HMGCLL1: variants seen among roughly 807,000 people sequenced by gnomAD.
The protein encoded by HMGCLL1 is 3-hydroxy-3-methylglutaryl-CoA lyase like 1, also known as 3-hydroxymethyl-3-methylglutaryl-CoA lyase, cytoplasmic.
HMGCLL1 carries 36 observed loss-of-function variants against 39.1 expected under a neutral mutation model. The ratio of observed to expected loss-of-function variants is 0.92; its 90% confidence interval spans 0.71 to 1.22. The LOEUF (loss-of-function observed/expected upper bound fraction) is 1.22. HMGCLL1 is among the 50% of genes most tolerant of loss of function. The probability of loss-of-function intolerance (pLI) is 0.00; values close to 1 mark genes in which losing one functional copy is unlikely to be tolerated. For missense variants in HMGCLL1, 451 were observed against 416.5 expected (o/e 1.08, Z -0.72); for synonymous variants, 149 against 144.0 (o/e 1.03, Z -0.25).
intron 7 of HMGCLL1, among the ~76,000 whole-genome samples, chr6:55,495,161 G>A (rs780789880): frequency 1.2e-4 from 18 of 152,126 alleles, no homozygotes; most frequent in Non-Finnish European, 2.6e-4. Flanking sequence ...ACATAACTCT[G>A]CTAAGATTAA....
the HMGCLL1 span, among the ~76,000 whole-genome samples, chr6:55,596,965 T>C: frequency 6.6e-6 from 1 of 152,120 alleles, no homozygotes; most frequent in African/African-American, 2.4e-5. Context: ...GTTTAAATAC[T>C]ACCATGTAAA....
At chr6:55,555,864 CT>C (rs541421096) in intron 1 of HMGCLL1, among the ~76,000 whole-genome samples, 1 of 152,194 alleles carries the variant, frequency 6.6e-6, no homozygotes, top group African/African-American at 2.4e-5. Context: ...GATCACTGCT[CT>C]TTTAAACAGT....
the HMGCLL1 span, among the ~76,000 whole-genome samples, chr6:55,678,870 A>AT: frequency 6.6e-6 from 1 of 152,192 alleles, no homozygotes; most frequent in East Asian, 1.9e-4. Context: ...ATTATTAAAT[A>AT]TTATTGGTAT....
At chr6:55,626,949 C>A in the HMGCLL1 span, among the ~76,000 whole-genome samples, 1 of 150,266 alleles carries the variant, frequency 6.7e-6, no homozygotes, top group South Asian at 2.1e-4. Flanking sequence ...TATTACTATG[C>A]CCTGTGATTA....
the HMGCLL1 span, among the ~76,000 whole-genome samples, chr6:55,624,393 G>A: frequency 6.6e-6 from 1 of 152,140 alleles, no homozygotes; most frequent in Non-Finnish European, 1.5e-5. Context: ...TGCAGCCATT[G>A]ACTTGACAAA....
intron 7 of HMGCLL1, among the ~76,000 whole-genome samples, chr6:55,476,946 T>TA (rs1397761675): frequency 9.1e-6 from 1 of 110,302 alleles, no homozygotes; most frequent in Admixed American, 1.0e-4. Flanking sequence ...ACAGCTGCTC[T>TA]TAAATCAAAT....
intron 7 of HMGCLL1, among the ~76,000 whole-genome samples, chr6:55,488,643 A>T (rs1014812519): frequency 2.0e-5 from 3 of 152,068 alleles, no homozygotes; most frequent in Non-Finnish European, 4.4e-5. Flanking sequence ...ATGGAAAAAA[A>T]ACTGTCACTT....
At chr6:55,546,972 G>T (rs1401984833) in intron 1 of HMGCLL1, among the ~76,000 whole-genome samples, 2 of 151,990 alleles carry the variant, frequency 1.3e-5, no homozygotes, top group Non-Finnish European at 2.9e-5. Context: ...AACAATAAAA[G>T]AAATACTATC....
intron 1 of HMGCLL1, among the ~76,000 whole-genome samples, chr6:55,571,180 A>G (rs1389520398): frequency 6.6e-6 from 1 of 152,200 alleles, no homozygotes; most frequent in African/African-American, 2.4e-5. Flanking sequence ...TATTGTGTTC[A>G]TGATTAAATC....
In HMGCLL1 at chr6:55,541,818, T is replaced by C; in HGVS notation, c.208A>G (p.Ile70Val). ...AGTCGATTGATAAATTCAATTTTTA[T>C]ATCTGTAGGAACTATAACCTATGAA... ...QNEKVIVPTD[I>V]KIEFINRLSQ... is the part of the protein sequence containing the mutation. The change falls in exon 3 of 9, where the codon ATA (isoleucine) becomes GTA (valine). Residue 70 changes from isoleucine to valine, a missense_variant. Ile to Val is a conservative substitution (Grantham distance 29, BLOSUM62 3). Coordinates refer to ENST00000274901, the MANE Select transcript of HMGCLL1 (RefSeq NM_001042406.2). 1.3e-6 allele frequency: 2 copies of C among 1,596,636 alleles called. No homozygotes were observed. Among genetic ancestry groups the C allele is most frequent in the Non-Finnish European group, 1.7e-6 (2 of 1,166,176 alleles).
the HMGCLL1 span, among the ~76,000 whole-genome samples, chr6:55,616,498 A>G: frequency 1.3e-5 from 2 of 152,122 alleles, no homozygotes; most frequent in Non-Finnish European, 2.9e-5. Context: ...ACTCCACCTG[A>G]ACCATCATGA....
intron 3 of HMGCLL1, among the ~76,000 whole-genome samples, chr6:55,527,056 C>T (rs115609463): frequency 1.3e-5 from 2 of 152,186 alleles, no homozygotes; most frequent in African/African-American, 4.8e-5. Context: ...AAAGCATGTT[C>T]TCTAATACCT....
chr6:55,473,747 C>A (rs9475304), intron 7 of HMGCLL1, among the ~76,000 whole-genome samples: 1 of 151,258 alleles, frequency 6.6e-6, no homozygotes, highest in African/African-American at 2.4e-5. Flanking sequence ...ACATAAGTAT[C>A]CTTCTTTGTG....
intron 7 of HMGCLL1, among the ~76,000 whole-genome samples, chr6:55,450,258 A>G (rs1302451783): frequency 6.6e-6 from 1 of 152,206 alleles, no homozygotes; most frequent in East Asian, 1.9e-4. Flanking sequence ...TGCCATTGAC[A>G]AATTTTGAAG....
the HMGCLL1 span, among the ~76,000 whole-genome samples, chr6:55,613,114 T>A: frequency 6.6e-6 from 1 of 150,396 alleles, no homozygotes; most frequent in Non-Finnish European, 1.5e-5. Flanking sequence ...GAAAAAAAAC[T>A]CCATCAAAAA....
At chr6:55,551,311 C>T (rs551373033) in intron 1 of HMGCLL1, among the ~76,000 whole-genome samples, 1 of 151,762 alleles carries the variant, frequency 6.6e-6, no homozygotes, top group Non-Finnish European at 1.5e-5. Flanking sequence ...ATAGGAGGAC[C>T]GCATAATAAG....
chr6:55,570,703 A>G (rs1771435196), intron 1 of HMGCLL1, among the ~76,000 whole-genome samples: 1 of 152,132 alleles, frequency 6.6e-6, no homozygotes, highest in Admixed American at 6.5e-5. Context: ...CTCCATTCTG[A>G]CCATAATCTA....
At chr6:55,444,978 G>A (rs1331256337) in intron 7 of HMGCLL1, among the ~76,000 whole-genome samples, 6 of 151,962 alleles carry the variant, frequency 3.9e-5, no homozygotes, top group Non-Finnish European at 8.8e-5. Flanking sequence ...TCTAGACACA[G>A]ATTCTCTTTC....
intron 3 of HMGCLL1, among the ~76,000 whole-genome samples, chr6:55,536,386 A>T (rs995647721): frequency 9.9e-5 from 15 of 152,196 alleles, no homozygotes; most frequent in Admixed American, 6.5e-5. Flanking sequence ...TTATTTTTAA[A>T]TAAGTGATAT....
Sources: allele counts gnomAD v4.1 joint callset (sites outside exome capture counted in the v4.1 genomes callset), GRCh38; gene constraint gnomAD v4.1.1; transcripts MANE v1.5; gene names NCBI Gene and HGNC (gene_info 2026-07-23, HGNC 2026-07-21).